Variants in BCAS4 observed in about 807,000 individuals in gnomAD.
BCAS4 encodes breast carcinoma amplified sequence 4.
Under a neutral mutation model 15.7 loss-of-function variants are expected in BCAS4, and 9 were observed. The observed-to-expected ratio is 0.57, with a 90% CI of 0.34 to 1.00. The LOEUF (loss-of-function observed/expected upper bound fraction) is 1.00. Among genes scored for constraint, BCAS4 ranks in the 50% least tolerant of loss-of-function variants. BCAS4 has a pLI of 0.02. For synonymous variants in BCAS4, 101 were observed against 99.5 expected (o/e 1.02, Z -0.09); for missense variants, 225 against 239.1 (o/e 0.94, Z 0.39).
intron 3 of BCAS4, among the ~76,000 whole-genome samples, chr20:50,834,267 C>T (rs1488200473): frequency 1.3e-5 from 2 of 150,856 alleles, no homozygotes; most frequent in South Asian, 4.2e-4. Flanking sequence ...CACTAAGTTG[C>T]TGCCCAGGCT....
chr20:50,814,455 G>C (rs893704112), intron 1 of BCAS4, among the ~76,000 whole-genome samples: 2 of 152,162 alleles, frequency 1.3e-5, no homozygotes, highest in African/African-American at 4.8e-5. Flanking sequence ...TGCCCAGTTA[G>C]TTTTCTTTTT....
intron 4 of BCAS4, among the ~76,000 whole-genome samples, chr20:50,865,660 T>G (rs1366696921): frequency 6.6e-6 from 1 of 152,156 alleles, no homozygotes; most frequent in Non-Finnish European, 1.5e-5. Flanking sequence ...GCCCTGTGCT[T>G]CTGTCACTAG....
chr20:50,864,567 TA>T (rs1025301853), intron 4 of BCAS4, among the ~76,000 whole-genome samples: 49 of 151,418 alleles, frequency 3.2e-4, no homozygotes, highest in African/African-American at 1.2e-3. Context: ...GCCTCCTGGG[TA>T]GCTGGGACTA....
In BCAS4 at chr20:50,851,454, G is replaced by C. The variant is rs901920025; in HGVS notation, c.399+9554G>C. On this transcript the variant is annotated intron_variant, in intron 4 of 4. Coordinates refer to ENST00000371608, the MANE Select transcript of BCAS4 (RefSeq NM_198799.4). The surrounding 1 kb of genome is among the most constrained non-coding windows in gnomAD (Gnocchi z 4.3). ...CGGAGGGTTCCTGGCAGGCTGGTTT[G>C]GGAATCAAATTGTGTTTTTCAGGCA... Among the ~76,000 whole-genome samples the C allele has an allele frequency of 6.6e-6, 1 of 152,154 alleles. No individual in the cohort carries two copies. Among genetic ancestry groups the C allele is most frequent in the Non-Finnish European group, 1.5e-5 (1 of 68,026 alleles).
chr20:50,830,278 G>C lies in BCAS4; in HGVS notation c.163-1G>C, dbSNP rs374170671. 8.1e-5 allele frequency: 131 copies of C among 1,612,902 alleles called. No individual in the cohort carries two copies. The highest frequency in any genetic ancestry group is 1.0e-4 in the Non-Finnish European group (123 of 1,179,010). On this transcript the variant is annotated splice_acceptor_variant, in intron 2 of 4. Transcript: ENST00000371608. LOFTEE classifies it high-confidence loss of function. ...CTGATGAGCTGTTTTGTTCCTTGCA[G>C]ATCAGGAGTGATACTTCACAGATCC...
At chr20:50,864,675 T>G (rs1258654708) in intron 4 of BCAS4, among the ~76,000 whole-genome samples, 1 of 151,816 alleles carries the variant, frequency 6.6e-6, no homozygotes, top group Non-Finnish European at 1.5e-5. Flanking sequence ...ACTCCTGACC[T>G]CAGGTGATCT....
chr20:50,871,201 G>A (rs1979623495), intron 4 of BCAS4, among the ~76,000 whole-genome samples: 1 of 152,218 alleles, frequency 6.6e-6, no homozygotes. Context: ...TCTTGGAGCT[G>A]GACAGGCCGA....
intron 4 of BCAS4, among the ~76,000 whole-genome samples, chr20:50,869,144 G>C (rs2122673533): frequency 6.6e-6 from 1 of 152,378 alleles, no homozygotes; most frequent in South Asian, 2.1e-4. Flanking sequence ...CTGCCTTAAA[G>C]AGTGCTGTGA....
At chr20:50,845,973 C>A (rs959157332) in intron 4 of BCAS4, among the ~76,000 whole-genome samples, 1 of 152,214 alleles carries the variant, frequency 6.6e-6, no homozygotes, top group Non-Finnish European at 1.5e-5. Context: ...CAGGAAGTGA[C>A]CTGTGGATAC....
chr20:50,853,970 G>T (rs1195905812), intron 4 of BCAS4, among the ~76,000 whole-genome samples: 1 of 152,084 alleles, frequency 6.6e-6, no homozygotes. Flanking sequence ...TCCATAAATT[G>T]CCAGCTGTCC....
At chr20:50,832,499 C>T (rs2088356228) in intron 3 of BCAS4, among the ~76,000 whole-genome samples, 1 of 152,114 alleles carries the variant, frequency 6.6e-6, no homozygotes, top group African/African-American at 2.4e-5. Flanking sequence ...CTCAAGAGAT[C>T]TGCCCGCCTC....
intron 1 of BCAS4, among the ~76,000 whole-genome samples, chr20:50,805,606 G>A (rs2087979578): frequency 6.6e-6 from 1 of 152,086 alleles, no homozygotes; most frequent in African/African-American, 2.4e-5. Flanking sequence ...TCCCTGACCT[G>A]GAGGCTGAAC....
In BCAS4 at chr20:50,840,923, G is replaced by A. The variant is rs542288642; in HGVS notation, c.265-843G>A. 270 of 580,174 alleles carry A rather than the reference G, an allele frequency of 4.7e-4. No individual in the cohort carries two copies. The East Asian group carries it at 7.6e-3, about 16-fold the overall frequency. The allele number at this position is 580,174 out of a possible 1,614,324, so 35.9% of individuals were successfully genotyped here. ...CAGCTCACTGCAACCTCCGCCTCCC[G>A]GGTTCAAGTAATTTTCCTGTCTCAG... is the stretch of plus-strand genomic sequence containing the variant. On this transcript the variant is annotated intron_variant, in intron 3 of 4. Coordinates refer to ENST00000371608, the MANE Select transcript of BCAS4 (RefSeq NM_198799.4).
intron 1 of BCAS4, among the ~76,000 whole-genome samples, chr20:50,796,993 G>C (rs2123739243): frequency 6.6e-6 from 1 of 152,030 alleles, no homozygotes; most frequent in Non-Finnish European, 1.5e-5. Flanking sequence ...ACCATGTCAG[G>C]TTAACTTTTA....
At chr20:50,794,975 G>T, upstream of BCAS4, 10 of 1,242,990 alleles carry the variant, frequency 8.0e-6, no homozygotes, top group Non-Finnish European at 1.0e-5. Flanking sequence ...CCCCGCCTCC[G>T]CCAGGCGGTC....
chr20:50,860,404 C>A (rs527287207), intron 4 of BCAS4, among the ~76,000 whole-genome samples: 29 of 152,294 alleles, frequency 1.9e-4, no homozygotes, highest in African/African-American at 6.5e-4. Context: ...ACCACCCTAA[C>A]CCTTCCTGTC....
intron 4 of BCAS4, among the ~76,000 whole-genome samples, chr20:50,844,374 CA>C: frequency 6.6e-6 from 1 of 152,062 alleles, no homozygotes; most frequent in African/African-American, 2.4e-5. Context: ...TTTGAGACTG[CA>C]ATGAACCATG....
chr20:50,844,138 G>T (rs1433479203), intron 4 of BCAS4, among the ~76,000 whole-genome samples: 1 of 151,402 alleles, frequency 6.6e-6, no homozygotes, highest in Non-Finnish European at 1.5e-5. Context: ...ACAGAGTGAG[G>T]CCCTGTCTCA....
At chr20:50,797,691 G>C (rs2087882388) in intron 1 of BCAS4, among the ~76,000 whole-genome samples, 1 of 152,104 alleles carries the variant, frequency 6.6e-6, no homozygotes, top group African/African-American at 2.4e-5. Context: ...TTGAGACAGA[G>C]TTTCACTCTT....
Sources: allele counts gnomAD v4.1 joint callset (sites outside exome capture counted in the v4.1 genomes callset), GRCh38; gene constraint gnomAD v4.1.1; non-coding constraint Gnocchi (gnomAD v3.1); transcripts MANE v1.5; gene names NCBI Gene and HGNC (gene_info 2026-07-23, HGNC 2026-07-21).